Variants in NPC1L1 observed in about 807,000 individuals in gnomAD.
NPC1L1 encodes the protein NPC1-like intracellular cholesterol transporter 1.
Under a neutral mutation model 117.0 loss-of-function variants are expected in NPC1L1, and 98 were observed. That is an observed-to-expected ratio of 0.84 (90% CI 0.71 to 0.99). NPC1L1 has a LOEUF of 0.99. Among genes scored for constraint, NPC1L1 ranks in the 50% least tolerant of loss-of-function variants. NPC1L1 has a pLI of 0.00. For synonymous variants in NPC1L1, 729 were observed against 727.6 expected (o/e 1.00, Z -0.03); for missense variants, 1,540 against 1,710.0 (o/e 0.90, Z 1.75).
intron 10 of NPC1L1, among the ~76,000 whole-genome samples, chr7:44,524,940 G>T (rs1057034797): frequency 1.3e-5 from 2 of 151,748 alleles, no homozygotes; most frequent in African/African-American, 4.8e-5. Context: ...TCACTAGAGG[G>T]ATTCAAAAGC....
chr7:44,520,702 G>T (rs1585130839), intron 14 of NPC1L1, 63 bp downstream of exon 14: 1 of 1,419,816 alleles, frequency 7.0e-7, no homozygotes, highest in East Asian at 2.3e-5. Context: ...GTTCCCTGGG[G>T]TTTTCGGGGG....
rs368035658 is a variant in NPC1L1 at position 44,539,902 on chromosome 7, G to A, written c.495C>T (p.Ala165=). The change falls in exon 2 of 19, where the codon GCC becomes GCT. Residue 165 remains alanine, a synonymous_variant. Transcript: ENST00000381160. The surrounding 1 kb of genome is among the most constrained non-coding windows in gnomAD (Gnocchi z 4.4). Reference sequence around the variant, plus strand: ...GGCTGCAGGAGTCATAGCTCTGCTCGGCAAAGCTATGCTGGTAGAAGGCCT... The same window carrying A: ...GGCTGCAGGAGTCATAGCTCTGCTCAGCAAAGCTATGCTGGTAGAAGGCCT... The part of the protein sequence containing the change: ...AYEAFYQHSF[A]EQSYDSCSRV... 51 of 1,614,024 alleles carry A rather than the reference G, an allele frequency of 3.2e-5. No individual in the cohort carries two copies. The highest frequency in any genetic ancestry group is 1.9e-4 in the African/African-American group (14 of 74,938).
chr7:44,534,591 G>C lies in NPC1L1; in HGVS notation c.2022C>G (p.Ala674=). ...CAGCCATGACTGCTCCCAGGACCAC[G>C]GCCACCCCGCCGAGGCCCAGCGTGG... ...SKATLGLGGV[A]VVLGAVMAAM... is the part of the protein sequence containing the mutation. The change falls in exon 6 of 19, where the codon GCC becomes GCG. Residue 674 remains alanine, a synonymous_variant. Coordinates refer to ENST00000381160, the MANE Select transcript of NPC1L1 (RefSeq NM_001101648.2). This position sits in a 1 kb window ranked among gnomAD's most constrained non-coding sequence, Gnocchi z 5.2. The C allele has an allele frequency of 6.2e-7, 1 of 1,614,082 alleles. No individual in the cohort carries two copies. The highest frequency in any genetic ancestry group is 8.5e-7 in the Non-Finnish European group (1 of 1,179,962).
In NPC1L1 at chr7:44,530,262, C is replaced by T. The variant is rs866791694; in HGVS notation, c.2637+1493G>A. Among the ~76,000 whole-genome samples, 137 of 150,578 alleles carry T rather than the reference C, an allele frequency of 9.1e-4. No homozygotes were observed. In the Middle Eastern group the frequency reaches 0.014, roughly 16 times the overall value. ...CTGAGGCAGGAGAATCACTTGAACC[C>T]GGGAGGCGGAGATTGCGGTGAGCCG... On this transcript the variant is annotated intron_variant, in intron 10 of 18. Transcript: ENST00000381160.
chr7:44,538,754 A>T lies in NPC1L1; in HGVS notation c.1580+63T>A. On this transcript the variant is annotated intron_variant, in intron 2 of 18. Coordinates refer to ENST00000381160, the MANE Select transcript of NPC1L1 (RefSeq NM_001101648.2). This position sits in a 1 kb window ranked among gnomAD's most constrained non-coding sequence, Gnocchi z 5.9. ...CTGTATGCCCGGCCAGGTTCCCAGGAGGCCATGGCAGCCCAGCCCCAGCCC... is the reference window on the plus strand; with the variant it reads ...CTGTATGCCCGGCCAGGTTCCCAGGTGGCCATGGCAGCCCAGCCCCAGCCC... The T allele has an allele frequency of 6.5e-7, 1 of 1,535,000 alleles. No homozygotes were observed.
At chr7:44,533,943 G>A (rs964947067) in intron 6 of NPC1L1, 90 bp from the exon 7 acceptor site, 2 of 1,065,848 alleles carry the variant, frequency 1.9e-6, no homozygotes, top group African/African-American at 1.6e-5. Context: ...GCCCAGAGCT[G>A]CAGCCAGGCC....
rs1199049802 is a variant in NPC1L1 at position 44,513,371 on chromosome 7, A to C, written c.*76T>G. ...CTAGGATTTGAGGAGGGCGTGTGTC[A>C]AGGGGCAGTCACAAGGAAGATCCCC... On this transcript the variant is annotated 3_prime_UTR_variant, in exon 19 of 19. Coordinates refer to ENST00000381160, the MANE Select transcript of NPC1L1 (RefSeq NM_001101648.2). 1 of 1,395,742 alleles carries C rather than the reference A, an allele frequency of 7.2e-7. No homozygotes were observed. Among genetic ancestry groups the C allele is most frequent in the African/African-American group, 1.4e-5 (1 of 70,550 alleles). The allele number at this position is 1,395,742 out of a possible 1,614,324, so 86.5% of individuals were successfully genotyped here.
In NPC1L1 at chr7:44,538,428, G is replaced by A. The variant is rs1027862230; in HGVS notation, c.1580+389C>T. Among the ~76,000 whole-genome samples, 3 of 152,212 alleles carry A rather than the reference G, an allele frequency of 2.0e-5. No homozygotes were observed. Among genetic ancestry groups the A allele is most frequent in the African/African-American group, 7.2e-5 (3 of 41,460 alleles). On this transcript the variant is annotated intron_variant, in intron 2 of 18. Transcript: ENST00000381160. This position sits in a 1 kb window ranked among gnomAD's most constrained non-coding sequence, Gnocchi z 5.9. ...CCTCATGGGTTACTGATGGCCCTAC[G>A]GCCCCTGGCACAGAAACAAGAAGCA...
chr7:44,522,367 A>G lies in NPC1L1; in HGVS notation c.2638-125T>C, dbSNP rs532537713. ...CTAAAAGGCACATGTTCAGAGGTCCATGATCAGAGGAACACACAGAGGAAC... is the reference window on the plus strand; with the variant it reads ...CTAAAAGGCACATGTTCAGAGGTCCGTGATCAGAGGAACACACAGAGGAAC... On this transcript the variant is annotated intron_variant, in intron 10 of 18. Transcript: ENST00000381160. The G allele has an allele frequency of 1.3e-4, 119 of 901,120 alleles. 1 individual carries two copies. The African/African-American group carries it at 1.8e-3, about 13-fold the overall frequency. The allele number at this position is 901,120 out of a possible 1,614,324, so 55.8% of individuals were successfully genotyped here.
Position 44,513,598 on chromosome 7 carries a change from G to A in NPC1L1, c.3848C>T (p.Ala1283Val), listed in dbSNP as rs143889287. 6.8e-6 allele frequency: 11 copies of A among 1,613,648 alleles called. No individual in the cohort carries two copies. The highest frequency in any genetic ancestry group is 4.0e-5 in the African/African-American group (3 of 74,886). ...LALEQKRAEEAVAAVMVASCP... is the reference protein window; with the variant it reads ...LALEQKRAEEVVAAVMVASCP... ...AGAGGCCACCATGACTGCTGCCACCGCCTCCTCAGCCCGCTTCTGCTCCAG... is the reference window on the plus strand; with the variant it reads ...AGAGGCCACCATGACTGCTGCCACCACCTCCTCAGCCCGCTTCTGCTCCAG... Residue 1283 changes from alanine (A) to valine (V), a missense_variant, in exon 19 of 19, where the codon GCG (alanine) becomes GTG (valine). Transcript: ENST00000381160.
At chr7:44,521,880 G>A in intron 11 of NPC1L1, 44 bp from the exon 12 acceptor site, 1 of 1,612,920 alleles carries the variant, frequency 6.2e-7, no homozygotes, top group Non-Finnish European at 8.5e-7. Flanking sequence ...CAGCTGGGCA[G>A]GGTGGTGGGT....
intron 1 of NPC1L1, 143 bp from the exon 2 acceptor site, chr7:44,540,485 T>A: frequency 1.3e-6 from 1 of 752,360 alleles, no homozygotes; most frequent in East Asian, 2.7e-5. Flanking sequence ...GGAAGCCTCC[T>A]GGAGGCATGT....
rs991416614 is a variant in NPC1L1 at position 44,538,765 on chromosome 7, G to GCCCAGC, written c.1580+46_1580+51dup. On this transcript the variant is annotated intron_variant, in intron 2 of 18. Coordinates refer to ENST00000381160, the MANE Select transcript of NPC1L1 (RefSeq NM_001101648.2). The surrounding 1 kb of genome is among the most constrained non-coding windows in gnomAD (Gnocchi z 5.9). ...GCCAGGTTCCCAGGAGGCCATGGCAGCCCAGCCCCAGCCCCAGCCCACTCC... is the reference window on the plus strand; with the variant it reads ...GCCAGGTTCCCAGGAGGCCATGGCAGCCCAGCCCCAGCCCCAGCCCCAGCCCACTCC... 11 of 1,589,170 alleles carry GCCCAGC rather than the reference G, an allele frequency of 6.9e-6. No homozygotes were observed. Among genetic ancestry groups the GCCCAGC allele is most frequent in the African/African-American group, 4.0e-5 (3 of 74,532 alleles).
rs79519744 is a variant in NPC1L1 at position 44,517,235 on chromosome 7, C to G, written c.3259G>C (p.Asp1087His). The change falls in exon 15 of 19, where the codon GAC (aspartate) becomes CAC (histidine). Residue 1087 changes from aspartate (D) to histidine (H), a missense_variant. Physicochemically the swap from Asp to His is moderately conservative, Grantham distance 81. Around this residue, in one of 3 missense-constraint regions of NPC1L1, gnomAD observed 742 missense variants for 873.6 expected, o/e 0.85. Transcript: ENST00000381160. ...TADLRKVPGT[D>H]PAFEVFPYTI... The stretch of plus-strand genomic sequence containing the variant: ...TAGGGGAAGACCTCAAAAGCCGGGT[C>G]TGTTCCAGGCACTTTCCGCAGGTCA... The G allele has an allele frequency of 1.4e-3, 2,306 of 1,613,954 alleles. 23 individuals carry two copies. In the African/African-American group the frequency reaches 0.028, roughly 19 times the overall value.
chr7:44,533,557 C>T lies in NPC1L1; in HGVS notation c.2283G>A (p.Gly761=), dbSNP rs764170900. 2 of 1,614,132 alleles carry T rather than the reference C, an allele frequency of 1.2e-6. No homozygotes were observed. Among genetic ancestry groups the T allele is most frequent in the Non-Finnish European group, 1.7e-6 (2 of 1,180,022 alleles). ...GCACAGCTGGCATGGGGGTCAGGGCCCCTGTGAGGGAGCAGAGGGCTGTCA... is the reference window on the plus strand; with the variant it reads ...GCACAGCTGGCATGGGGGTCAGGGCTCCTGTGAGGGAGCAGAGGGCTGTCA... The part of the protein sequence containing the change: ...SLSEAICFFL[G]ALTPMPAVRT... The change falls in exon 8 of 19, where the codon GGG becomes GGA. Residue 761 remains glycine, a splice_region_variant and synonymous_variant. Transcript: ENST00000381160.
intron 14 of NPC1L1, among the ~76,000 whole-genome samples, chr7:44,519,269 C>T (rs1472208473): frequency 6.6e-6 from 1 of 152,156 alleles, no homozygotes; most frequent in Admixed American, 6.5e-5. Flanking sequence ...AAGTGCTGCT[C>T]TAGACTAACC....
chr7:44,538,565 T>G lies in NPC1L1; in HGVS notation c.1580+252A>C, dbSNP rs1169175334. On this transcript the variant is annotated intron_variant, in intron 2 of 18. Transcript: ENST00000381160. This position sits in a 1 kb window ranked among gnomAD's most constrained non-coding sequence, Gnocchi z 5.9. ...TCAAGAAATCTGCAGAAAGACAGAG[T>G]GGACTCGGGGTTGAAGGGCCAGCGA... 6.6e-6 allele frequency among the ~76,000 whole-genome samples: 1 copy of G among 151,864 alleles called. No individual in the cohort carries two copies. The highest frequency in any genetic ancestry group is 1.5e-5 in the Non-Finnish European group (1 of 67,950).
chr7:44,516,267 C>G (rs1801183187), intron 16 of NPC1L1, 70 bp from the exon 17 acceptor site: 2 of 1,321,700 alleles, frequency 1.5e-6, no homozygotes, highest in Non-Finnish European at 2.1e-6. Context: ...ATGAGGCCTC[C>G]ACCAGGACCA....
chr7:44,535,814 T>C, intron 5 of NPC1L1, 26 bp downstream of exon 5: 1 of 1,612,232 alleles, frequency 6.2e-7, no homozygotes, highest in Non-Finnish European at 8.5e-7. Flanking sequence ...GCTAGCCCAC[T>C]TAGCTGTGTC....
Sources: gnomAD v4.1 joint callset for allele counts (sites outside exome capture counted in the v4.1 genomes callset) on GRCh38, gnomAD v4.1.1 for gene constraint, gnomAD v4.1.1 regional missense constraint, Gnocchi (gnomAD v3.1) non-coding constraint, MANE v1.5 for transcripts, NCBI Gene and HGNC (gene_info 2026-07-23, HGNC 2026-07-21) for gene names.